The following GRSF1 variants were observed in gnomAD, a reference collection of about 807,000 sequenced individuals.
GRSF1 encodes G-rich RNA sequence binding factor 1, also known as G-rich sequence factor 1.
Under a neutral mutation model 51.1 loss-of-function variants are expected in GRSF1, and 50 were observed. That is an observed-to-expected ratio of 0.98 (90% CI 0.78 to 1.24). GRSF1 has a LOEUF of 1.24. Ranked by LOEUF, GRSF1 falls within the 50% of genes most tolerant of loss-of-function variation. The probability of loss-of-function intolerance (pLI) is 0.00; values close to 1 mark genes in which losing one functional copy is unlikely to be tolerated. For missense variants in GRSF1, 700 were observed against 639.7 expected (o/e 1.09, Z -1.02); for synonymous variants, 293 against 253.3 (o/e 1.16, Z -1.49).
At chr4:70,829,067 T>G (rs1176411634) in intron 5 of GRSF1, among the ~76,000 whole-genome samples, 1 of 152,086 alleles carries the variant, frequency 6.6e-6, no homozygotes, top group East Asian at 1.9e-4. Flanking sequence ...TTATTTTTTA[T>G]TTTTGTAGAC....
chr4:70,834,300 TA>T (rs1327096453), intron 2 of GRSF1, among the ~76,000 whole-genome samples: 68 of 145,644 alleles, frequency 4.7e-4, no homozygotes, highest in Non-Finnish European at 3.9e-4. Context: ...ATACAGAAAC[TA>T]AAAAAAAAAA....
chr4:70,828,120 A>G (rs1042296946), intron 5 of GRSF1, 84 bp from the exon 6 acceptor site: 15 of 957,908 alleles, frequency 1.6e-5, no homozygotes, highest in Non-Finnish European at 2.1e-5. Context: ...TGTATACATT[A>G]TATTTCCAAC....
At chr4:70,825,931 CA>C (rs11384662) in intron 7 of GRSF1, 192 bp downstream of exon 7, 113 of 518,710 alleles carry the variant, frequency 2.2e-4, no homozygotes, top group East Asian at 8.2e-4. Context: ...GACTCTGTCA[CA>C]AAAAAAAGTA....
At chr4:70,841,031 C>T (rs1410216847), upstream of GRSF1, among the ~76,000 whole-genome samples, 2 of 152,144 alleles carry the variant, frequency 1.3e-5, no homozygotes, top group African/African-American at 2.4e-5. Context: ...CGTGGTGGCT[C>T]ATGCCTATAA....
intron 5 of GRSF1, among the ~76,000 whole-genome samples, chr4:70,830,593 T>C (rs1304005146): frequency 4.0e-5 from 6 of 151,448 alleles, no homozygotes; most frequent in South Asian, 2.1e-4. Context: ...CCGAGGTGGG[T>C]GAATGACTTG....
In GRSF1 at chr4:70,826,219, G is replaced by A. The variant is rs1295642603; in HGVS notation, c.1162C>T (p.Leu388Phe). ...GTTCCAAAATCAGCAGCCTCTGGAA[G>A]CTTTTCTGGCACCTCCTTAGGCAAT... ...IELPKEVPEKLPEAADFGTTS... is the reference protein window; with the variant it reads ...IELPKEVPEKFPEAADFGTTS... Residue 388 changes from leucine to phenylalanine, a missense_variant, in exon 7 of 10, where the codon CTT becomes TTT. By Grantham distance (22) the Leu-to-Phe change is conservative. Coordinates refer to ENST00000254799, the MANE Select transcript of GRSF1 (RefSeq NM_002092.4). 2 of 1,610,416 alleles carry A rather than the reference G, an allele frequency of 1.2e-6. No individual in the cohort carries two copies. The highest frequency in any genetic ancestry group is 1.7e-6 in the Non-Finnish European group (2 of 1,178,232).
At position 70,827,980 on chromosome 4, in the gene GRSF1, T is replaced by C. The variant is rs1278815188; in HGVS notation, c.1007A>G (p.Tyr336Cys). ...RNEVRTHVGS[Y>C]KGKKIASFPT... is the part of the protein sequence containing the mutation. ...AAAAGATGCGATTTTCTTTCCCTTA[T>C]AAGAACCGACATGTGTTCGAACTTC... is the stretch of plus-strand genomic sequence containing the variant. The change falls in exon 6 of 10, where the codon TAT (tyrosine) becomes TGT (cysteine). Residue 336 changes from tyrosine to cysteine, a missense_variant. Tyr to Cys is a radical substitution (Grantham distance 194, BLOSUM62 -2). Transcript: ENST00000254799. 6.2e-7 allele frequency: 1 copy of C among 1,613,552 alleles called. No homozygotes were observed. Among genetic ancestry groups the C allele is most frequent in the South Asian group, 1.1e-5 (1 of 91,046 alleles).
At chr4:70,826,819 G>A (rs1733755278) in intron 6 of GRSF1, among the ~76,000 whole-genome samples, 1 of 152,188 alleles carries the variant, frequency 6.6e-6, no homozygotes. Flanking sequence ...CTGCACTCCA[G>A]AATGGGCCAC....
In GRSF1 at chr4:70,826,121, C is replaced by T; in HGVS notation, c.1257+3G>A. The stretch of plus-strand genomic sequence containing the variant: ...TGAGATTGGATATCTTACTGCCACA[C>T]ACGTTTATAATGTCTTGGGCATTGG... On this transcript the variant is annotated splice_donor_region_variant and intron_variant, in intron 7 of 9. Coordinates refer to ENST00000254799, the MANE Select transcript of GRSF1 (RefSeq NM_002092.4). The T allele has an allele frequency of 4.4e-6, 7 of 1,608,188 alleles. No homozygotes were observed. Among genetic ancestry groups the T allele is most frequent in the Non-Finnish European group, 5.9e-6 (7 of 1,176,948 alleles).
At chr4:70,828,803 T>C (rs11724493) in intron 5 of GRSF1, among the ~76,000 whole-genome samples, 4,829 of 149,862 alleles carry the variant, frequency 0.032, 103 homozygotes, top group Non-Finnish European at 0.05. Context: ...AATGGCACGA[T>C]CTTGGCTCAC....
At position 70,839,772 on chromosome 4, in the gene GRSF1, C is replaced by T; in HGVS notation, c.56G>A (p.Cys19Tyr). The T allele has an allele frequency of 2.7e-6, 4 of 1,505,728 alleles. No homozygotes were observed. Among genetic ancestry groups the T allele is most frequent in the Non-Finnish European group, 3.5e-6 (4 of 1,134,412 alleles). The allele number at this position is 1,505,728 out of a possible 1,614,324, so 93.3% of individuals were successfully genotyped here. Residue 19 changes from cysteine to tyrosine, a missense_variant, in exon 1 of 10, where the codon TGC (cysteine) becomes TAC (tyrosine). Physicochemically the swap from Cys to Tyr is radical, Grantham distance 194. Coordinates refer to ENST00000254799, the MANE Select transcript of GRSF1 (RefSeq NM_002092.4). ...GALLRGCGCN[C>Y]SSCRRTGAAC... The stretch of plus-strand genomic sequence containing the variant: ...GGCGCCGGTGCGCCGGCAGCTGCTG[C>T]AGTTACAGCCGCAGCCCCGGAGCAG...
At chr4:70,832,509 T>A in intron 3 of GRSF1, 59 bp from the exon 4 acceptor site, 2 of 1,024,772 alleles carry the variant, frequency 2.0e-6, no homozygotes, top group Non-Finnish European at 2.9e-6. Context: ...ACAAACCCAT[T>A]AAAAAAAATC....
chr4:70,822,173 T>C (rs1733541969), intron 9 of GRSF1, among the ~76,000 whole-genome samples: 1 of 152,056 alleles, frequency 6.6e-6, no homozygotes, highest in Non-Finnish European at 1.5e-5. Flanking sequence ...TATAAAATTA[T>C]GTACTTCCTA....
chr4:70,835,910 C>A (rs937686221), intron 2 of GRSF1, among the ~76,000 whole-genome samples: 5 of 152,160 alleles, frequency 3.3e-5, no homozygotes, highest in Non-Finnish European at 7.3e-5. Flanking sequence ...TGAGCCACTG[C>A]CCCTGGCCCA....
chr4:70,833,889 TAA>T (rs1337490673), intron 2 of GRSF1, among the ~76,000 whole-genome samples: 1 of 151,924 alleles, frequency 6.6e-6, no homozygotes, highest in East Asian at 1.9e-4. Flanking sequence ...CAAGTGGCTT[TAA>T]AAAAAAGTTT....
In GRSF1 at chr4:70,839,498, G is replaced by A; in HGVS notation, c.330C>T (p.Ala110=). Residue 110 remains alanine (A), a synonymous_variant, in exon 1 of 10, where the codon GCC becomes GCT. Transcript: ENST00000254799. Reference sequence around the variant, plus strand: ...GGCTGTAGCTGCGCGTCGGGACGGCGGCCGCCGCCGCCAGCGACTGCGGCA... The same window carrying A: ...GGCTGTAGCTGCGCGTCGGGACGGCAGCCGCCGCCGCCAGCGACTGCGGCA... ...SLLPQSLAAA[A]AVPTRSYSQE... 3 of 1,423,880 alleles carry A rather than the reference G, an allele frequency of 2.1e-6. No homozygotes were observed. The highest frequency in any genetic ancestry group is 2.7e-6 in the Non-Finnish European group (3 of 1,097,292). 88.2% of individuals were successfully genotyped at this position (1,423,880 alleles called of 1,614,324 possible). A position where few individuals can be genotyped will look rare whatever the true frequency, so the allele number is the denominator to read the frequency against.
Position 70,820,033 on chromosome 4 carries a change from G to C in GRSF1, c.*854C>G, listed in dbSNP as rs1020870434. Reference sequence around the variant, plus strand: ...AGGAGACTGATTTTTTTCCTATCTAGAGCTGGTTTAAATTCAAGTGAAGCC... The same window carrying C: ...AGGAGACTGATTTTTTTCCTATCTACAGCTGGTTTAAATTCAAGTGAAGCC... On this transcript the variant is annotated 3_prime_UTR_variant, in exon 10 of 10. Coordinates refer to ENST00000254799, the MANE Select transcript of GRSF1 (RefSeq NM_002092.4). 1 of 152,338 alleles carries C rather than the reference G, an allele frequency of 6.6e-6. No individual in the cohort carries two copies. The highest frequency in any genetic ancestry group is 1.5e-5 in the Non-Finnish European group (1 of 68,022). The allele number at this position is 152,338 out of a possible 1,614,324, so 9.4% of individuals were successfully genotyped here.
chr4:70,818,929 A>G lies in GRSF1; in HGVS notation c.*1958T>C, dbSNP rs151173523. 2.8e-3 allele frequency: 427 copies of G among 152,268 alleles called. 3 individuals carry two copies. The highest frequency in any genetic ancestry group is 9.6e-3 in the African/African-American group (399 of 41,558). The allele number at this position is 152,268 out of a possible 1,614,324, so 9.4% of individuals were successfully genotyped here. Reference sequence around the variant, plus strand: ...ATGGAAATAAGATTACTTTTACTGTATTATGTGCTTCTCTTCCTTTCCCAT... The same window carrying G: ...ATGGAAATAAGATTACTTTTACTGTGTTATGTGCTTCTCTTCCTTTCCCAT... On this transcript the variant is annotated 3_prime_UTR_variant, in exon 10 of 10. Transcript: ENST00000254799.
intron 2 of GRSF1, among the ~76,000 whole-genome samples, chr4:70,833,870 G>C (rs1251250104): frequency 6.6e-6 from 1 of 152,024 alleles, no homozygotes; most frequent in African/African-American, 2.4e-5. Flanking sequence ...AGTCCAAGAT[G>C]TAAGTGGCCA....
Sources: gnomAD v4.1 joint callset for allele counts (sites outside exome capture counted in the v4.1 genomes callset) on GRCh38, gnomAD v4.1.1 for gene constraint, MANE v1.5 for transcripts, NCBI Gene and HGNC (gene_info 2026-07-23, HGNC 2026-07-21) for gene names.